The following EMCN variants were observed in gnomAD, a reference collection of about 807,000 sequenced individuals.
EMCN encodes MUC-14.
A neutral mutation model predicts 38.4 loss-of-function variants in EMCN; 37 were observed. The observed-to-expected ratio is 0.96, with a 90% CI of 0.74 to 1.27. EMCN has a LOEUF of 1.27. Ranked by LOEUF, EMCN falls within the 50% of genes most tolerant of loss-of-function variation. The pLI is 0.00. For synonymous variants in EMCN, 95 were observed against 100.8 expected, an observed-to-expected ratio of 0.94 and a Z score of 0.35; for missense variants, 318 against 302.8, an observed-to-expected ratio of 1.05 and a Z score of -0.37.
intron 5 of EMCN, among the ~76,000 whole-genome samples, chr4:100,440,568 T>C (rs192356559): frequency 7.9e-5 from 12 of 152,214 alleles, no homozygotes; most frequent in Admixed American, 4.6e-4. Flanking sequence ...AAAGACATTA[T>C]TTCACTCTTT....
intron 5 of EMCN, among the ~76,000 whole-genome samples, chr4:100,430,170 A>G (rs1344420318): frequency 1.3e-5 from 2 of 152,166 alleles, no homozygotes; most frequent in African/African-American, 2.4e-5. Flanking sequence ...AACTATTAAC[A>G]CACTTAATTA....
intron 1 of EMCN, among the ~76,000 whole-genome samples, chr4:100,506,056 A>AT (rs2110305692): frequency 6.6e-6 from 1 of 152,300 alleles, no homozygotes; most frequent in African/African-American, 2.4e-5. Context: ...ATAAAATAGA[A>AT]TTTTAACTAC....
chr4:100,407,395 C>T (rs1188023597), intron 11 of EMCN, among the ~76,000 whole-genome samples: 2 of 152,152 alleles, frequency 1.3e-5, no homozygotes, highest in South Asian at 2.1e-4. Context: ...TCCCTATGAA[C>T]CTCTTGAAAA....
At chr4:100,509,828 G>T (rs942262218) in intron 1 of EMCN, among the ~76,000 whole-genome samples, 1 of 152,024 alleles carries the variant, frequency 6.6e-6, no homozygotes, top group African/African-American at 2.4e-5. Context: ...AACTAGTAAG[G>T]GAAAATTCTG....
chr4:100,468,536 A>G (rs548876283), intron 3 of EMCN, among the ~76,000 whole-genome samples: 10 of 152,256 alleles, frequency 6.6e-5, no homozygotes, highest in African/African-American at 2.4e-4. Flanking sequence ...ATGTCTGACC[A>G]CTTTGTCTTA....
chr4:100,457,887 G>C (rs1578207000), intron 4 of EMCN, among the ~76,000 whole-genome samples: 1 of 152,264 alleles, frequency 6.6e-6, no homozygotes, highest in East Asian at 1.9e-4. Flanking sequence ...GGGAGGCTCA[G>C]GTGGGTGGAT....
intron 1 of EMCN, among the ~76,000 whole-genome samples, chr4:100,483,674 CTGGAAACTT>C (rs1200129288): frequency 1.3e-5 from 2 of 152,068 alleles, no homozygotes; most frequent in Non-Finnish European, 2.9e-5. Flanking sequence ...AATTTTGCAA[CTGGAAACTT>C]TGTCTTACCA....
chr4:100,399,657 A>C (rs955349582), intron 11 of EMCN, among the ~76,000 whole-genome samples: 3 of 152,176 alleles, frequency 2.0e-5, no homozygotes, highest in Non-Finnish European at 2.9e-5. Context: ...GGATGATTGC[A>C]GACAAGGCCT....
chr4:100,465,472 A>G lies in EMCN; in HGVS notation c.327T>C (p.Ser109=). ...TTGAAACAGCATTTGGAAGTGTAAC[A>G]CTTGTTACTGTTACGTTTGAAATGA... is the stretch of plus-strand genomic sequence containing the variant. ...DSIISNVTVT[S]VTLPNAVSTL... Residue 109 remains serine, a synonymous_variant, in exon 4 of 12, where the codon AGT becomes AGC. Coordinates refer to ENST00000296420, the MANE Select transcript of EMCN (RefSeq NM_016242.4). 1.9e-6 allele frequency: 3 copies of G among 1,609,570 alleles called. No homozygotes were observed. The highest frequency in any genetic ancestry group is 2.5e-6 in the Non-Finnish European group (3 of 1,177,122).
At chr4:100,509,070 T>A (rs1335868022) in intron 1 of EMCN, among the ~76,000 whole-genome samples, 3 of 152,142 alleles carry the variant, frequency 2.0e-5, no homozygotes, top group Non-Finnish European at 4.4e-5. Flanking sequence ...ATTCTCCAAA[T>A]TAAAGCAAGG....
At chr4:100,408,645 C>T (rs990882708) in intron 11 of EMCN, among the ~76,000 whole-genome samples, 5 of 152,114 alleles carry the variant, frequency 3.3e-5, no homozygotes, top group African/African-American at 1.2e-4. Context: ...AGTGTGTGAT[C>T]CTCTCCCACT....
chr4:100,451,409 A>C (rs1350463321), intron 4 of EMCN, among the ~76,000 whole-genome samples: 2 of 152,006 alleles, frequency 1.3e-5, no homozygotes, highest in East Asian at 1.9e-4. Context: ...AGGAATAAAA[A>C]ATATACAAAT....
chr4:100,426,085 A>G (rs1727036726), intron 5 of EMCN, among the ~76,000 whole-genome samples: 1 of 152,168 alleles, frequency 6.6e-6, no homozygotes, highest in Admixed American at 6.6e-5. Context: ...ACAATGGTAC[A>G]TATTTGGAGA....
chr4:100,490,610 T>G (rs953184340), intron 1 of EMCN, among the ~76,000 whole-genome samples: 3 of 152,208 alleles, frequency 2.0e-5, no homozygotes, highest in African/African-American at 7.2e-5. Context: ...GTATTTAAAT[T>G]GCCTACTGTA....
chr4:100,471,739 A>C (rs1271950586), intron 3 of EMCN, among the ~76,000 whole-genome samples: 1 of 152,014 alleles, frequency 6.6e-6, no homozygotes, highest in Non-Finnish European at 1.5e-5. Context: ...CCCCATGACC[A>C]AGTTGGATTT....
At chr4:100,469,566 TATTTA>T (rs1205589196) in intron 3 of EMCN, among the ~76,000 whole-genome samples, 1 of 71,160 alleles carries the variant, frequency 1.4e-5, no homozygotes, top group Non-Finnish European at 5.3e-5. Flanking sequence ...ATAAAATAAT[TATTTA>T]ATTTAAGTCT....
chr4:100,446,045 T>G, intron 5 of EMCN: 1 of 984,132 alleles, frequency 1.0e-6, no homozygotes, highest in Non-Finnish European at 1.2e-6. Flanking sequence ...TTAAACAAAA[T>G]GAAGGATCCT....
At chr4:100,411,491 A>G (rs750391886) in intron 10 of EMCN, among the ~76,000 whole-genome samples, 1 of 152,190 alleles carries the variant, frequency 6.6e-6, no homozygotes, top group Non-Finnish European at 1.5e-5. Flanking sequence ...TAATTGACAG[A>G]CTAGAAATTT....
At chr4:100,457,313 T>G (rs1728046268) in intron 4 of EMCN, among the ~76,000 whole-genome samples, 1 of 152,078 alleles carries the variant, frequency 6.6e-6, no homozygotes, top group Non-Finnish European at 1.5e-5. Context: ...TTCTTTTTCT[T>G]TCCTGATTGC....
Sources: gnomAD v4.1 joint callset for allele counts (sites outside exome capture counted in the v4.1 genomes callset) on GRCh38, gnomAD v4.1.1 for gene constraint, MANE v1.5 for transcripts, NCBI Gene and HGNC (gene_info 2026-07-23, HGNC 2026-07-21) for gene names.